RPS14: variants seen among roughly 807,000 people sequenced by gnomAD.
RPS14 encodes ribosomal protein S14.
In RPS14, 1 loss-of-function variant was observed where a neutral mutation model predicts 15.4. That is an observed-to-expected ratio of 0.07 (90% CI 0.02 to 0.31). The LOEUF (loss-of-function observed/expected upper bound fraction) is 0.31. RPS14 is among the 10% of genes least tolerant of loss of function. The pLI, the probability that RPS14 is intolerant of heterozygous loss-of-function variation, is 1.00. For missense variants in RPS14, 69 were observed against 205.5 expected, an observed-to-expected ratio of 0.34 and a Z score of 4.06; for synonymous variants, 68 against 74.4, an observed-to-expected ratio of 0.91 and a Z score of 0.44.
intron 1 of RPS14, chr5:150,448,793 C>T (rs1211402649): frequency 6.6e-6 from 1 of 152,216 alleles, no homozygotes; most frequent in Non-Finnish European, 1.5e-5. Flanking sequence ...TCTGCCTTCC[C>T]TATATAAACT....
intron 3 of RPS14, 50 bp from the exon 4 acceptor site, chr5:150,445,735 A>G: frequency 7.0e-7 from 1 of 1,422,380 alleles, no homozygotes. Flanking sequence ...AAGTCAATGG[A>G]AGATCTCCTT....
intron 4 of RPS14, among the ~76,000 whole-genome samples, chr5:150,445,228 G>A (rs1033037096): frequency 6.6e-6 from 1 of 152,156 alleles, no homozygotes; most frequent in Non-Finnish European, 1.5e-5. Context: ...GCTGTCACAC[G>A]ACTGGCATGC....
intron 4 of RPS14, 95 bp from the exon 5 acceptor site, chr5:150,444,448 TC>T: frequency 3.1e-6 from 3 of 968,196 alleles, no homozygotes; most frequent in Non-Finnish European, 4.9e-6. Context: ...CAGCAACAGA[TC>T]CTGCTGCTCC....
intron 2 of RPS14, 160 bp from the exon 3 acceptor site, chr5:150,447,123 T>C (rs1055830328): frequency 1.9e-5 from 13 of 702,262 alleles, no homozygotes; most frequent in Non-Finnish European, 3.1e-5. Context: ...TGGCCCAATA[T>C]AGCTATACTC....
chr5:150,445,595 A>AG lies in RPS14; in HGVS notation c.388+13dup, dbSNP rs770195585. 4 of 1,612,250 alleles carry AG rather than the reference A, an allele frequency of 2.5e-6. No homozygotes were observed. The highest frequency in any genetic ancestry group is 2.7e-5 in the African/African-American group (2 of 74,974). Reference sequence around the variant, plus strand: ...CAAAATAAACCCAAGCATTAGCTAGAGGGGGGCACTTACCAATCCGCCCGA... The same window carrying AG: ...CAAAATAAACCCAAGCATTAGCTAGAGGGGGGGCACTTACCAATCCGCCCGA... On this transcript the variant is annotated intron_variant, in intron 4 of 4. Coordinates refer to ENST00000407193, the MANE Select transcript of RPS14 (RefSeq NM_005617.4).
chr5:150,445,731 A>G (rs746151669), intron 3 of RPS14, 46 bp from the exon 4 acceptor site: 18 of 1,440,848 alleles, frequency 1.2e-5, no homozygotes, highest in African/African-American at 2.8e-5. Flanking sequence ...GGCCAAGTCA[A>G]TGGAAGATCT....
rs540751542 is a variant in RPS14 at position 150,446,107 on chromosome 5, A to G, written c.312-422T>C. ...CCTGTCTCAAAAAAGAGGAAAAAAA[A>G]AAAAGCCAGACAGTAAATATTTTAG... is the stretch of plus-strand genomic sequence containing the variant. On this transcript the variant is annotated intron_variant, in intron 3 of 4. Transcript: ENST00000407193. The surrounding 1 kb of genome is among the most constrained non-coding windows in gnomAD (Gnocchi z 4.2). Among the ~76,000 whole-genome samples, 38 of 152,242 alleles carry G rather than the reference A, an allele frequency of 2.5e-4. No individual in the cohort carries two copies. The highest frequency in any genetic ancestry group is 8.9e-4 in the African/African-American group (37 of 41,562).
chr5:150,445,089 C>T (rs965116153), intron 4 of RPS14, among the ~76,000 whole-genome samples: 3 of 152,128 alleles, frequency 2.0e-5, no homozygotes, highest in Admixed American at 2.0e-4. Context: ...CAGTGTATGT[C>T]GCTACTAACT....
Position 150,447,683 on chromosome 5 carries a change from G to A in RPS14, c.51C>T (p.Leu17=), listed in dbSNP as rs144589525. 2.7e-5 allele frequency: 43 copies of A among 1,614,084 alleles called. No homozygotes were observed. Among genetic ancestry groups the A allele is most frequent in the Non-Finnish European group, 3.2e-5 (38 of 1,180,022 alleles). Residue 17 remains leucine, a synonymous_variant, in exon 2 of 5, where the codon CTC becomes CTT. Transcript: ENST00000407193. The part of the protein sequence containing the change: ...KEKKEEQVIS[L]GPQVAEGENV... ...TCTCTCCTTCAGCCACCTGAGGTCC[G>A]AGGCTGATGACCTGTTCTTCCTTCT...
intron 4 of RPS14, 87 bp from the exon 5 acceptor site, chr5:150,444,440 G>C (rs1445293233): frequency 9.3e-7 from 1 of 1,079,546 alleles, no homozygotes; most frequent in Non-Finnish European, 1.4e-6. Context: ...TAACCAATCA[G>C]CAACAGATCC....
At chr5:150,449,075 A>G (rs1008630194) in intron 1 of RPS14, 4 of 152,256 alleles carry the variant, frequency 2.6e-5, no homozygotes, top group Non-Finnish European at 4.4e-5. Flanking sequence ...CATCCCCTAA[A>G]GTAACGAGCA....
chr5:150,447,521 C>T, intron 2 of RPS14, 64 bp downstream of exon 2: 1 of 1,525,418 alleles, frequency 6.6e-7, no homozygotes, highest in Non-Finnish European at 9.1e-7. Context: ...AACTGCTAGC[C>T]CGTCCCAGCC....
chr5:150,442,647 A>G lies in RPS14; in HGVS notation c.*1639T>C, dbSNP rs1380168864. The G allele has an allele frequency of 6.6e-6, 1 of 152,208 alleles. No individual in the cohort carries two copies. The allele number at this position is 152,208 out of a possible 1,614,324, so 9.4% of individuals were successfully genotyped here. On this transcript the variant is annotated 3_prime_UTR_variant, in exon 5 of 5. Transcript: ENST00000407193. ...AGGAAACCACTGGTACATTACTACT[A>G]GCTTTATTCCAGACTTTAACTCCAG...
rs1400955643 is a variant in RPS14 at position 150,443,115 on chromosome 5, C to T, written c.*1171G>A. The T allele has an allele frequency of 6.6e-6, 1 of 152,070 alleles. No individual in the cohort carries two copies. The highest frequency in any genetic ancestry group is 2.4e-5 in the African/African-American group (1 of 41,396). 9.4% of individuals were successfully genotyped at this position (152,070 alleles called of 1,614,324 possible). ...TCCTTAATCTCCTGTCCTTGACTTT[C>T]ATGACTTTTAACAATTTAAGGAGTA... On this transcript the variant is annotated 3_prime_UTR_variant, in exon 5 of 5. Coordinates refer to ENST00000407193, the MANE Select transcript of RPS14 (RefSeq NM_005617.4).
chr5:150,447,862 G>T, intron 1 of RPS14, 127 bp from the exon 2 acceptor site: 1 of 1,055,788 alleles, frequency 9.5e-7, no homozygotes, highest in Non-Finnish European at 1.4e-6. Context: ...ATACTCTACT[G>T]TATTCTCTCA....
At chr5:150,444,452 G>A (rs1771028858) in intron 4 of RPS14, 99 bp from the exon 5 acceptor site, 5 of 962,596 alleles carry the variant, frequency 5.2e-6, no homozygotes, top group Non-Finnish European at 8.2e-6. Context: ...AACAGATCCT[G>A]CTGCTCCCCA....
rs1306598608 is a variant in RPS14, at chr5:150,442,717, TGA to T, written c.*1567_*1568del. The T allele has an allele frequency of 6.6e-6, 1 of 151,458 alleles. No homozygotes were observed. The highest frequency in any genetic ancestry group is 1.5e-5 in the Non-Finnish European group (1 of 68,050). The allele number at this position is 151,458 out of a possible 1,614,324, so 9.4% of individuals were successfully genotyped here. A position where few individuals can be genotyped will look rare whatever the true frequency, so the allele number is the denominator to read the frequency against. ...ATTTATTATTTACTTATTTAGTTTT[TGA>T]GATAGGATCTTGCTCTGTGACCCAG... On this transcript the variant is annotated 3_prime_UTR_variant, in exon 5 of 5. Coordinates refer to ENST00000407193, the MANE Select transcript of RPS14 (RefSeq NM_005617.4).
Position 150,445,514 on chromosome 5 carries a change from A to C in RPS14, c.388+95T>G, listed in dbSNP as rs766595218. The C allele has an allele frequency of 2.5e-6, 3 of 1,217,668 alleles. No homozygotes were observed. In the South Asian group the frequency reaches 3.6e-5, roughly 15 times the overall value. 75.4% of individuals were successfully genotyped at this position (1,217,668 alleles called of 1,614,324 possible). Reference sequence around the variant, plus strand: ...ACAAACTTAACTGCCAAAAGTGACCAGACCAGCCGCTGCACATCCACTGGG... The same window carrying C: ...ACAAACTTAACTGCCAAAAGTGACCCGACCAGCCGCTGCACATCCACTGGG... On this transcript the variant is annotated intron_variant, in intron 4 of 4. Transcript: ENST00000407193.
chr5:150,445,798 A>G, intron 3 of RPS14, 113 bp from the exon 4 acceptor site: 1 of 815,724 alleles, frequency 1.2e-6, no homozygotes. Flanking sequence ...TTCTGTAAAG[A>G]GCCAGACAGG....
Sources: gnomAD v4.1 joint callset for allele counts (sites outside exome capture counted in the v4.1 genomes callset) on GRCh38, gnomAD v4.1.1 for gene constraint, Gnocchi (gnomAD v3.1) non-coding constraint, MANE v1.5 for transcripts, NCBI Gene and HGNC (gene_info 2026-07-23, HGNC 2026-07-21) for gene names.